CLSTN2: variants seen among roughly 807,000 people sequenced by gnomAD.
CLSTN2 encodes calsyntenin 2.
In CLSTN2, 48 loss-of-function variants were observed where a neutral mutation model predicts 101.2. The observed-to-expected ratio is 0.47, with a 90% CI of 0.38 to 0.60. The LOEUF (loss-of-function observed/expected upper bound fraction) is 0.60. CLSTN2 is among the 20% of genes least tolerant of loss of function. CLSTN2 has a pLI of 0.00. For synonymous variants in CLSTN2, 481 were observed against 463.6 expected, an observed-to-expected ratio of 1.04 and a Z score of -0.48; for missense variants, 1,160 against 1,238.2, an observed-to-expected ratio of 0.94 and a Z score of 0.95.
At chr3:140,194,389 C>A (rs867910483) in intron 2 of CLSTN2, among the ~76,000 whole-genome samples, 1 of 152,052 alleles carries the variant, frequency 6.6e-6, no homozygotes. Context: ...TCTCAAAGAC[C>A]CCACCTTGAA....
chr3:140,426,339 C>T (rs2088564873), intron 5 of CLSTN2, among the ~76,000 whole-genome samples: 1 of 152,160 alleles, frequency 6.6e-6, no homozygotes, highest in African/African-American at 2.4e-5. Flanking sequence ...CATGTGTTCT[C>T]ATTGTTCAGC....
chr3:140,566,097 AGAG>A lies in CLSTN2; in HGVS notation c.2718_2720del (p.Glu908del). 1 of 1,612,568 alleles carries A rather than the reference AGAG, an allele frequency of 6.2e-7. No homozygotes were observed. The highest frequency in any genetic ancestry group is 8.5e-7 in the Non-Finnish European group (1 of 1,178,606). On this transcript the variant is annotated inframe_deletion, in exon 17 of 17. Transcript: ENST00000458420. ...ATGGGGAAGATGAGACTGAGGGAGA[AGAG>A]GAGGAAGAAGCCGAGGAAGAAATGA...
intron 12 of CLSTN2, 23 bp from the exon 13 acceptor site, chr3:140,562,115 T>A (rs375529387): frequency 1.2e-6 from 2 of 1,610,500 alleles, no homozygotes; most frequent in African/African-American, 2.7e-5. Flanking sequence ...ATGCCTGCAT[T>A]TCCCATGTCT....
chr3:140,408,871 C>T (rs906518993), intron 4 of CLSTN2, among the ~76,000 whole-genome samples: 4 of 152,222 alleles, frequency 2.6e-5, no homozygotes, highest in African/African-American at 9.6e-5. Context: ...ATCACCAGGT[C>T]TAACAGTTGA....
intron 2 of CLSTN2, among the ~76,000 whole-genome samples, chr3:140,244,465 G>C (rs1161675763): frequency 2.0e-5 from 3 of 152,106 alleles, no homozygotes; most frequent in African/African-American, 7.2e-5. Context: ...TTGTGGGAAG[G>C]GTCCCTGTCT....
intron 5 of CLSTN2, among the ~76,000 whole-genome samples, chr3:140,429,958 A>T (rs2088611046): frequency 6.6e-6 from 1 of 152,152 alleles, no homozygotes; most frequent in South Asian, 2.1e-4. Context: ...CCACCACCCT[A>T]CCAAGGAGAT....
At chr3:140,410,232 G>A (rs1283726283) in intron 4 of CLSTN2, among the ~76,000 whole-genome samples, 1 of 151,804 alleles carries the variant, frequency 6.6e-6, no homozygotes, top group Non-Finnish European at 1.5e-5. Context: ...AAAAGACTTT[G>A]CCATGACACA....
rs1305757768 is a variant in CLSTN2, at chr3:140,314,931, A to G, written c.233-88698A>G. ...GGCCCCATGGTTTCATTCATGAACA[A>G]CCTCTGGCACAAAGCAAGCACCAGA... On this transcript the variant is annotated intron_variant, in intron 2 of 16. Coordinates refer to ENST00000458420, the MANE Select transcript of CLSTN2 (RefSeq NM_022131.3). 2.0e-5 allele frequency among the ~76,000 whole-genome samples: 3 copies of G among 152,158 alleles called. No individual in the cohort carries two copies. The South Asian group carries it at 6.2e-4, about 32-fold the overall frequency.
chr3:140,525,701 C>G (rs1935122638), intron 8 of CLSTN2, among the ~76,000 whole-genome samples: 1 of 152,144 alleles, frequency 6.6e-6, no homozygotes, highest in Non-Finnish European at 1.5e-5. Context: ...AAACTGAATA[C>G]AGCAGCACAT....
intron 2 of CLSTN2, among the ~76,000 whole-genome samples, chr3:140,250,063 A>T (rs951670541): frequency 2.6e-5 from 4 of 152,184 alleles, no homozygotes; most frequent in Non-Finnish European, 5.9e-5. Context: ...TACTTGCCTA[A>T]TTTTTTATTA....
At chr3:140,093,116 G>A (rs558992073) in intron 1 of CLSTN2, among the ~76,000 whole-genome samples, 43 of 152,230 alleles carry the variant, frequency 2.8e-4, no homozygotes, top group Admixed American at 9.8e-4. Flanking sequence ...AGAGAGAGAG[G>A]CTTTAGGCCC....
Position 140,367,877 on chromosome 3 carries a change from G to T in CLSTN2, c.233-35752G>T, listed in dbSNP as rs113743555. Reference sequence around the variant, plus strand: ...TAGGGAAGCCCAGTTTCAGTTCTCAGCTTGAGGCCTGGAGCAAAGTGAGTG... The same window carrying T: ...TAGGGAAGCCCAGTTTCAGTTCTCATCTTGAGGCCTGGAGCAAAGTGAGTG... On this transcript the variant is annotated intron_variant, in intron 2 of 16. Coordinates refer to ENST00000458420, the MANE Select transcript of CLSTN2 (RefSeq NM_022131.3). Among the ~76,000 whole-genome samples, 106 of 152,310 alleles carry T rather than the reference G, an allele frequency of 7.0e-4. 1 individual carries two copies. The highest frequency in any genetic ancestry group is 2.5e-3 in the African/African-American group (103 of 41,578).
chr3:140,455,290 T>C (rs1933368826), intron 6 of CLSTN2, among the ~76,000 whole-genome samples: 1 of 152,230 alleles, frequency 6.6e-6, no homozygotes, highest in Non-Finnish European at 1.5e-5. Context: ...GAGGCACAAC[T>C]GGTGGCCCCA....
chr3:140,456,410 A>T (rs909606007), intron 6 of CLSTN2, among the ~76,000 whole-genome samples: 1 of 152,228 alleles, frequency 6.6e-6, no homozygotes, highest in Non-Finnish European at 1.5e-5. Flanking sequence ...ACTAAAAAGC[A>T]TGTGTAAGGC....
rs560913240 is a variant in CLSTN2 at position 140,570,883 on chromosome 3, T to TACCC, written c.*4632_*4635dup. On this transcript the variant is annotated 3_prime_UTR_variant, in exon 17 of 17. Coordinates refer to ENST00000458420, the MANE Select transcript of CLSTN2 (RefSeq NM_022131.3). ...CTGCTCTCATAAGCCTCTCACCAAC[T>TACCC]ACCCAGTAGTCTTTGCCTCCAAACT... is the stretch of plus-strand genomic sequence containing the variant. 2.4e-3 allele frequency: 360 copies of TACCC among 152,322 alleles called. 2 individuals are homozygous for TACCC. Among genetic ancestry groups the TACCC allele is most frequent in the African/African-American group, 8.1e-3 (337 of 41,566 alleles). The allele number at this position is 152,322 out of a possible 1,614,324, so 9.4% of individuals were successfully genotyped here. A position where few individuals can be genotyped will look rare whatever the true frequency, so the allele number is the denominator to read the frequency against.
At chr3:140,112,483 T>C (rs559621986) in intron 1 of CLSTN2, among the ~76,000 whole-genome samples, 4 of 152,302 alleles carry the variant, frequency 2.6e-5, no homozygotes, top group Non-Finnish European at 4.4e-5. Context: ...TGTATCTTCA[T>C]GGAGAAATCT....
chr3:140,036,473 T>C (rs555258235), intron 1 of CLSTN2, among the ~76,000 whole-genome samples: 2 of 152,282 alleles, frequency 1.3e-5, no homozygotes, highest in African/African-American at 4.8e-5. Context: ...TTCTAGTTGA[T>C]ACTTTTGTTT....
intron 2 of CLSTN2, among the ~76,000 whole-genome samples, chr3:140,295,495 T>C (rs576810617): frequency 6.6e-6 from 1 of 152,310 alleles, no homozygotes; most frequent in African/African-American, 2.4e-5. Flanking sequence ...GGACTTGTGT[T>C]ATTTACCTTT....
intron 2 of CLSTN2, among the ~76,000 whole-genome samples, chr3:140,267,116 A>G (rs984800134): frequency 1.3e-5 from 2 of 152,156 alleles, no homozygotes; most frequent in African/African-American, 4.8e-5. Flanking sequence ...AGAATGGACC[A>G]TGTTCCTCCC....
Sources: allele counts gnomAD v4.1 joint callset (sites outside exome capture counted in the v4.1 genomes callset), GRCh38; gene constraint gnomAD v4.1.1; transcripts MANE v1.5; gene names NCBI Gene and HGNC (gene_info 2026-07-23, HGNC 2026-07-21).